Variants in HS6ST3 observed in about 807,000 individuals in gnomAD.
HS6ST3 encodes heparan-sulfate 6-O-sulfotransferase 3.
HS6ST3 carries 12 observed loss-of-function variants against 36.7 expected under a neutral mutation model. The observed-to-expected ratio is 0.33, with a 90% CI of 0.21 to 0.53. The LOEUF is 0.53. HS6ST3 is among the 20% of genes least tolerant of loss of function. The probability of loss-of-function intolerance (pLI) is 0.95; values close to 1 mark genes in which losing one functional copy is unlikely to be tolerated. For missense variants in HS6ST3, 584 were observed against 640.9 expected (o/e 0.91, Z 0.96); for synonymous variants, 240 against 257.5 (o/e 0.93, Z 0.65).
intron 1 of HS6ST3, among the ~76,000 whole-genome samples, chr13:96,358,553 A>T (rs897564194): frequency 6.6e-6 from 1 of 152,194 alleles, no homozygotes; most frequent in African/African-American, 2.4e-5. Flanking sequence ...ACACAAAAAA[A>T]GCAGAGAGAA....
chr13:96,644,534 A>C (rs1202408231), intron 1 of HS6ST3, among the ~76,000 whole-genome samples: 2 of 152,020 alleles, frequency 1.3e-5, no homozygotes, highest in African/African-American at 4.8e-5. Flanking sequence ...GCCCATGGGC[A>C]TGGAGATCTG....
At chr13:96,736,626 A>G (rs759378304) in intron 1 of HS6ST3, among the ~76,000 whole-genome samples, 24 of 152,234 alleles carry the variant, frequency 1.6e-4, no homozygotes, top group Non-Finnish European at 3.2e-4. Context: ...GTATATGGAT[A>G]CAGATAGATA....
intron 1 of HS6ST3, among the ~76,000 whole-genome samples, chr13:96,737,557 G>T (rs960571727): frequency 2.0e-5 from 3 of 148,440 alleles, no homozygotes; most frequent in Non-Finnish European, 4.4e-5. Context: ...CCCGGGAAGC[G>T]GAGCTTGCAG....
At chr13:96,581,694 A>G (rs1346048218) in intron 1 of HS6ST3, among the ~76,000 whole-genome samples, 1 of 152,226 alleles carries the variant, frequency 6.6e-6, no homozygotes, top group Non-Finnish European at 1.5e-5. Flanking sequence ...GGTAATGAAC[A>G]ATGTTGATAC....
chr13:96,679,756 G>A (rs571374197), intron 1 of HS6ST3, among the ~76,000 whole-genome samples: 13 of 152,198 alleles, frequency 8.5e-5, no homozygotes, highest in African/African-American at 1.9e-4. Flanking sequence ...GTGTGGCAAC[G>A]GTGTTGCACA....
At chr13:96,442,773 G>A (rs2055678993) in intron 1 of HS6ST3, among the ~76,000 whole-genome samples, 2 of 113,468 alleles carry the variant, frequency 1.8e-5, no homozygotes. Flanking sequence ...AAGTACAATT[G>A]GAAGTAAAAA....
intron 1 of HS6ST3, among the ~76,000 whole-genome samples, chr13:96,522,957 C>A (rs188475939): frequency 1.1e-4 from 17 of 152,256 alleles, no homozygotes; most frequent in African/African-American, 4.1e-4. Context: ...TTCTTAGCCT[C>A]GATGGTCTTT....
At chr13:96,763,088 A>T (rs1411700981) in intron 1 of HS6ST3, among the ~76,000 whole-genome samples, 1 of 152,158 alleles carries the variant, frequency 6.6e-6, no homozygotes, top group South Asian at 2.1e-4. Context: ...TCTTGTTTAG[A>T]TTCTTTGGAG....
chr13:96,385,200 A>T (rs1270152742), intron 1 of HS6ST3, among the ~76,000 whole-genome samples: 2 of 151,652 alleles, frequency 1.3e-5, no homozygotes, highest in Non-Finnish European at 2.9e-5. Context: ...AAAAAAGAAA[A>T]GATTTTTTTC....
At chr13:96,355,202 A>G (rs1007923091) in intron 1 of HS6ST3, among the ~76,000 whole-genome samples, 2 of 152,192 alleles carry the variant, frequency 1.3e-5, no homozygotes, top group African/African-American at 4.8e-5. Flanking sequence ...GAAAGGACTC[A>G]TCACTCTCAG....
chr13:96,822,429 C>T (rs2138543012), intron 1 of HS6ST3, among the ~76,000 whole-genome samples: 1 of 152,268 alleles, frequency 6.6e-6, no homozygotes, highest in East Asian at 1.9e-4. Context: ...CAAAAACTAG[C>T]CCCTAGAACA....
intron 1 of HS6ST3, among the ~76,000 whole-genome samples, chr13:96,343,976 T>C (rs2055142003): frequency 6.6e-6 from 1 of 152,264 alleles, no homozygotes; most frequent in Admixed American, 6.5e-5. Context: ...TCTCCTGACC[T>C]TGTGATCCGC....
At chr13:96,779,312 G>A (rs1249595345) in intron 1 of HS6ST3, among the ~76,000 whole-genome samples, 1 of 138,702 alleles carries the variant, frequency 7.2e-6, no homozygotes, top group Non-Finnish European at 1.5e-5. Context: ...AGAACTTAAA[G>A]TATCAATAAT....
chr13:96,175,209 C>T (rs1272938458), intron 1 of HS6ST3, among the ~76,000 whole-genome samples: 1 of 151,852 alleles, frequency 6.6e-6, no homozygotes, highest in Non-Finnish European at 1.5e-5. Flanking sequence ...TTTATTTTGC[C>T]CTCTCATTTA....
intron 1 of HS6ST3, among the ~76,000 whole-genome samples, chr13:96,263,172 T>C (rs2054674827): frequency 6.6e-6 from 1 of 152,208 alleles, no homozygotes; most frequent in Non-Finnish European, 1.5e-5. Context: ...TGAATTCTAC[T>C]GGTGACAGTC....
chr13:96,320,257 C>G (rs188382896), intron 1 of HS6ST3, among the ~76,000 whole-genome samples: 9 of 152,100 alleles, frequency 5.9e-5, no homozygotes, highest in Non-Finnish European at 8.8e-5. Flanking sequence ...TATATTCCCC[C>G]CTTTGGATTC....
intron 1 of HS6ST3, among the ~76,000 whole-genome samples, chr13:96,486,516 C>T (rs905230503): frequency 2.6e-5 from 4 of 152,186 alleles, no homozygotes; most frequent in Admixed American, 6.5e-5. Flanking sequence ...TCCACATCCT[C>T]TCCAGCACTT....
intron 1 of HS6ST3, among the ~76,000 whole-genome samples, chr13:96,676,328 A>G (rs1299922855): frequency 1.3e-5 from 2 of 152,056 alleles, no homozygotes; most frequent in South Asian, 2.1e-4. Flanking sequence ...TACTGGAGGT[A>G]AGGACTTCAT....
chr13:96,420,215 AGAGTGCTGG>A (rs2055556016), intron 1 of HS6ST3, among the ~76,000 whole-genome samples: 1 of 152,160 alleles, frequency 6.6e-6, no homozygotes, highest in Admixed American at 6.5e-5. Flanking sequence ...GCAGGGGGAA[AGAGTGCTGG>A]GAGTCCCTGG....
Sources: allele counts gnomAD v4.1 joint callset (sites outside exome capture counted in the v4.1 genomes callset), GRCh38; gene constraint gnomAD v4.1.1; transcripts MANE v1.5; gene names NCBI Gene and HGNC (gene_info 2026-07-23, HGNC 2026-07-21).